The following ADNP variants were observed in gnomAD, a reference collection of about 807,000 sequenced individuals.
ADNP encodes activity-dependent neuroprotector homeobox protein.
In ADNP, 4 loss-of-function variants were observed where a neutral mutation model predicts 84.9. The observed-to-expected ratio is 0.05, with a 90% CI of 0.02 to 0.11. ADNP has a LOEUF of 0.11. Among genes scored for constraint, ADNP ranks in the 10% least tolerant of loss-of-function variants. The pLI, the probability that ADNP is intolerant of heterozygous loss-of-function variation, is 1.00. For missense variants in ADNP, 1,132 were observed against 1,326.0 expected, an observed-to-expected ratio of 0.85 and a Z score of 2.27; for synonymous variants, 554 against 468.1, an observed-to-expected ratio of 1.18 and a Z score of -2.37.
Position 50,891,388 on chromosome 20 carries a change from G to T in ADNP, c.*17C>A. The T allele has an allele frequency of 6.4e-7, 1 of 1,573,576 alleles. No individual in the cohort carries two copies. On this transcript the variant is annotated 3_prime_UTR_variant, in exon 6 of 6. Transcript: ENST00000621696. ...TTCCAGGCTGCAGCATGTCACCAACGCCAGGGAACCTGGCACTTAGGCCTG... is the reference window on the plus strand; with the variant it reads ...TTCCAGGCTGCAGCATGTCACCAACTCCAGGGAACCTGGCACTTAGGCCTG...
rs776823194 is a variant in ADNP at position 50,919,287 on chromosome 20, A to ACATATATATATAT, written c.-90+9363_-90+9364insATATATATATATG. 9.5e-3 allele frequency among the ~76,000 whole-genome samples: 1,212 copies of ACATATATATATAT among 127,924 alleles called. 58 individuals carry two copies. The highest frequency in any genetic ancestry group is 0.026 in the African/African-American group (694 of 26,744). 83.9% of individuals were successfully genotyped at this position (127,924 alleles called of 152,430 possible). On this transcript the variant is annotated intron_variant, in intron 2 of 5. Coordinates refer to ENST00000621696, the MANE Select transcript of ADNP (RefSeq NM_001282531.3). ...CCAGCCTGAAAAAATACATATATTT[A>ACATATATATATAT]AGTGTATATATATATATATATATAT...
chr20:50,915,100 A>G (rs1041396498), intron 2 of ADNP, among the ~76,000 whole-genome samples: 1 of 152,218 alleles, frequency 6.6e-6, no homozygotes, highest in Admixed American at 6.5e-5. Context: ...ATGATTATGT[A>G]ACAAAATGTA....
At position 50,901,340 on chromosome 20, in the gene ADNP, A is replaced by C. The variant is rs867379491; in HGVS notation, c.201+677T>G. The stretch of plus-strand genomic sequence containing the variant: ...GGTATTTAAAAAAAAAAAAAAAAAA[A>C]AAAAAAAGTCAAATATCTGAGTACT... On this transcript the variant is annotated intron_variant, in intron 5 of 5. Transcript: ENST00000621696. 4.7e-3 allele frequency among the ~76,000 whole-genome samples: 707 copies of C among 151,434 alleles called. 7 individuals carry two copies. The highest frequency in any genetic ancestry group is 0.016 in the African/African-American group (671 of 41,320).
In ADNP at chr20:50,893,725, T is replaced by C. The variant is rs1410396450; in HGVS notation, c.989A>G (p.Asn330Ser). The C allele has an allele frequency of 6.2e-7, 1 of 1,614,154 alleles. No individual in the cohort carries two copies. Among genetic ancestry groups the C allele is most frequent in the African/African-American group, 1.3e-5 (1 of 75,054 alleles). The change falls in exon 6 of 6, where the codon AAC (asparagine) becomes AGC (serine). Residue 330 changes from asparagine (N) to serine (S), a missense_variant. By Grantham distance (46) the Asn-to-Ser change is conservative. Transcript: ENST00000621696. This position sits in a 1 kb window ranked among gnomAD's most constrained non-coding sequence, Gnocchi z 4.4. ...NMMSSVHLQQ[N>S]NYGVKSVGQG... ...GCCTACAGATTTGACTCCATAGTTG[T>C]TCTGCTGCAGATGAACACTGGACAT...
intron 4 of ADNP, 133 bp from the exon 5 acceptor site, chr20:50,902,242 GGAGT>G: frequency 1.6e-6 from 1 of 626,038 alleles, no homozygotes; most frequent in Non-Finnish European, 2.8e-6. Context: ...ACTTAAACTA[GGAGT>G]GATAAGGCTC....
intron 5 of ADNP, among the ~76,000 whole-genome samples, chr20:50,895,634 C>A (rs1305339650): frequency 6.6e-6 from 1 of 152,142 alleles, no homozygotes; most frequent in Non-Finnish European, 1.5e-5. Flanking sequence ...CAGCCTCAAC[C>A]TCTTGGGCTC....
At chr20:50,903,839 T>C in intron 4 of ADNP, 50 bp downstream of exon 4, 3 of 1,400,268 alleles carry the variant, frequency 2.1e-6, no homozygotes, top group Non-Finnish European at 2.0e-6. Context: ...CACAAAGTAA[T>C]GGATCAGAAG....
intron 5 of ADNP, 72 bp from the exon 6 acceptor site, chr20:50,894,584 C>CG: frequency 3.4e-6 from 5 of 1,473,794 alleles, no homozygotes; most frequent in Non-Finnish European, 4.5e-6. Flanking sequence ...AGATCCCCCC[C>CG]GGATATTCTT....
intron 4 of ADNP, among the ~76,000 whole-genome samples, chr20:50,902,854 T>A (rs1254456498): frequency 6.6e-6 from 1 of 152,146 alleles, no homozygotes; most frequent in Non-Finnish European, 1.5e-5. Flanking sequence ...GAGTGCAAAG[T>A]GAATGGACTG....
chr20:50,924,223 AAAC>A (rs1199008251), intron 2 of ADNP, among the ~76,000 whole-genome samples: 3 of 152,246 alleles, frequency 2.0e-5, no homozygotes, highest in African/African-American at 7.2e-5. Flanking sequence ...AAGGGAACAT[AAAC>A]AACGTTTCTT....
intron 2 of ADNP, among the ~76,000 whole-genome samples, chr20:50,914,577 G>T (rs1003940622): frequency 6.6e-6 from 1 of 152,138 alleles, no homozygotes; most frequent in African/African-American, 2.4e-5. Flanking sequence ...TTGCTTTCTG[G>T]GCACTGAGTA....
chr20:50,914,687 C>T (rs181937985), intron 2 of ADNP, among the ~76,000 whole-genome samples: 34 of 152,236 alleles, frequency 2.2e-4, no homozygotes, highest in African/African-American at 7.9e-4. Flanking sequence ...TCAGCAACCT[C>T]CGAGCATGCA....
Position 50,894,442 on chromosome 20 carries a change from C to T in ADNP, c.272G>A (p.Ser91Asn). 1 of 1,610,328 alleles carries T rather than the reference C, an allele frequency of 6.2e-7. No individual in the cohort carries two copies. The highest frequency in any genetic ancestry group is 8.5e-7 in the Non-Finnish European group (1 of 1,179,124). Residue 91 changes from serine to asparagine, a missense_variant, in exon 6 of 6, where the codon AGT becomes AAT. Physicochemically the swap from Ser to Asn is conservative, Grantham distance 46 (BLOSUM62 1). Around this residue, in one of 10 missense-constraint regions of ADNP, gnomAD observed 5 missense variants for 40.3 expected, o/e 0.12. Coordinates refer to ENST00000621696, the MANE Select transcript of ADNP (RefSeq NM_001282531.3). ...FSSKFFSAYK[S>N]HFRNVHSEDF... ...TTCACTATGGACATTGCGGAAATGA[C>T]TTTTGTAGGCAGAGAAGAATTTTGA... is the stretch of plus-strand genomic sequence containing the variant.
At position 50,892,567 on chromosome 20, in the gene ADNP, T is replaced by C. The variant is rs749580188; in HGVS notation, c.2147A>G (p.Lys716Arg). The change falls in exon 6 of 6, where the codon AAG becomes AGG. Residue 716 changes from lysine (K) to arginine (R), a missense_variant. By Grantham distance (26) the Lys-to-Arg change is conservative. Coordinates refer to ENST00000621696, the MANE Select transcript of ADNP (RefSeq NM_001282531.3). ...AAATTCCATTTGCTCGTAAGTGCGCTTCACAGGTGCCAGACTTGGAGACTG... is the reference window on the plus strand; with the variant it reads ...AAATTCCATTTGCTCGTAAGTGCGCCTCACAGGTGCCAGACTTGGAGACTG... ...LNQSPSLAPV[K>R]RTYEQMEFPL... 23 of 1,614,224 alleles carry C rather than the reference T, an allele frequency of 1.4e-5. No homozygotes were observed. The South Asian group carries it at 2.3e-4, about 16-fold the overall frequency.
intron 1 of ADNP, among the ~76,000 whole-genome samples, chr20:50,929,545 T>C (rs900258448): frequency 1.3e-5 from 2 of 152,192 alleles, no homozygotes; most frequent in African/African-American, 4.8e-5. Context: ...CCTTCCCCCC[T>C]CTGCAGCCTT....
chr20:50,924,480 G>A (rs1464074848), intron 2 of ADNP, among the ~76,000 whole-genome samples: 1 of 152,160 alleles, frequency 6.6e-6, no homozygotes, highest in Non-Finnish European at 1.5e-5. Flanking sequence ...GGCCTGTGTT[G>A]CAAGCACAGG....
chr20:50,903,406 G>T (rs1982176125), intron 4 of ADNP, among the ~76,000 whole-genome samples: 1 of 152,142 alleles, frequency 6.6e-6, no homozygotes, highest in South Asian at 2.1e-4. Flanking sequence ...AAATCCTAAG[G>T]AAAGAGACAA....
At chr20:50,924,332 T>C (rs1397724178) in intron 2 of ADNP, among the ~76,000 whole-genome samples, 2 of 152,126 alleles carry the variant, frequency 1.3e-5, no homozygotes, top group Non-Finnish European at 2.9e-5. Context: ...CTGCTGGGGG[T>C]GTGGCTAGCT....
chr20:50,925,907 C>G (rs762996130), intron 2 of ADNP, among the ~76,000 whole-genome samples: 10 of 152,246 alleles, frequency 6.6e-5, no homozygotes, highest in Non-Finnish European at 1.3e-4. Flanking sequence ...TCAAGACCAG[C>G]TTGGCCAACA....
Sources: gnomAD v4.1 joint callset for allele counts (sites outside exome capture counted in the v4.1 genomes callset) on GRCh38, gnomAD v4.1.1 for gene constraint, gnomAD v4.1.1 regional missense constraint, Gnocchi (gnomAD v3.1) non-coding constraint, MANE v1.5 for transcripts, NCBI Gene and HGNC (gene_info 2026-07-23, HGNC 2026-07-21) for gene names.